SEC11A: variants seen among roughly 807,000 people sequenced by gnomAD.
SEC11A encodes the protein SEC11 homolog A, signal peptidase complex subunit, also known as signal peptidase complex catalytic subunit SEC11A.
Under a neutral mutation model 25.6 loss-of-function variants are expected in SEC11A, and 14 were observed. That is an observed-to-expected ratio of 0.55 (90% CI 0.36 to 0.85). SEC11A has a LOEUF of 0.85. SEC11A is among the 40% of genes least tolerant of loss of function. The pLI is 0.01. For missense variants in SEC11A, 153 were observed against 222.9 expected (o/e 0.69, Z 2.00); for synonymous variants, 83 against 76.4 (o/e 1.09, Z -0.45).
intron 1 of SEC11A, among the ~76,000 whole-genome samples, chr15:84,712,941 T>A (rs549638459): frequency 3.7e-4 from 57 of 152,172 alleles, no homozygotes; most frequent in African/African-American, 1.3e-3. Context: ...GAGCAGTGGC[T>A]CACGCCTGTA....
rs923772313 is a variant in SEC11A, at chr15:84,701,511, C to T, written c.52-9867G>A. Among the ~76,000 whole-genome samples the T allele has an allele frequency of 2.7e-5, 4 of 150,458 alleles. No homozygotes were observed. The South Asian group carries it at 6.3e-4, about 24-fold the overall frequency. ...TACTTATTGAGATCATGCCACTGCACTCCAGCCTGGGCAACAAAGCAAGAC... is the reference window on the plus strand; with the variant it reads ...TACTTATTGAGATCATGCCACTGCATTCCAGCCTGGGCAACAAAGCAAGAC... On this transcript the variant is annotated intron_variant, in intron 1 of 5. Coordinates refer to ENST00000268220, the MANE Select transcript of SEC11A (RefSeq NM_014300.4).
intron 1 of SEC11A, among the ~76,000 whole-genome samples, chr15:84,701,945 T>C (rs1897957276): frequency 6.6e-6 from 1 of 151,384 alleles, no homozygotes; most frequent in Non-Finnish European, 1.5e-5. Flanking sequence ...CGTGCGGCTG[T>C]AGTCCCAGCT....
chr15:84,715,950 G>A (rs532582900), intron 1 of SEC11A, 75 bp downstream of exon 1: 2 of 1,411,094 alleles, frequency 1.4e-6, no homozygotes, highest in African/African-American at 2.8e-5. Context: ...AGAACCCTGG[G>A]GTCCGCCGGG....
At chr15:84,701,851 C>CCTG (rs1225799999) in intron 1 of SEC11A, among the ~76,000 whole-genome samples, 2 of 151,680 alleles carry the variant, frequency 1.3e-5, no homozygotes, top group African/African-American at 4.8e-5. Context: ...GGGCGGATCA[C>CCTG]AGGTCAAGAG....
chr15:84,711,861 A>T (rs1187953797), intron 1 of SEC11A, among the ~76,000 whole-genome samples: 1 of 152,144 alleles, frequency 6.6e-6, no homozygotes. Context: ...CTATTAGCTA[A>T]AAGGACCTTA....
Position 84,669,938 on chromosome 15 carries a change from A to G in SEC11A, c.*81T>C. 1 of 1,604,854 alleles carries G rather than the reference A, an allele frequency of 6.2e-7. No homozygotes were observed. Among genetic ancestry groups the G allele is most frequent in the Non-Finnish European group, 8.5e-7 (1 of 1,175,802 alleles). ...CACCAACACGTGTGTTCTCCATTCC[A>G]CCAATCACAGACCAGTATCTACTCC... On this transcript the variant is annotated 3_prime_UTR_variant, in exon 6 of 6. Transcript: ENST00000268220.
chr15:84,715,994 G>C, intron 1 of SEC11A, 31 bp downstream of exon 1: 1 of 1,609,612 alleles, frequency 6.2e-7, no homozygotes, highest in Non-Finnish European at 8.5e-7. Flanking sequence ...GACAAGAAGA[G>C]CCAGGAGAAA....
chr15:84,701,880 A>G (rs1209462676), intron 1 of SEC11A, among the ~76,000 whole-genome samples: 1 of 151,762 alleles, frequency 6.6e-6, no homozygotes, highest in African/African-American at 2.4e-5. Flanking sequence ...CATCCTGGCC[A>G]ACATGGTGAA....
At chr15:84,687,593 T>G (rs1897465912) in intron 3 of SEC11A, 32 bp downstream of exon 3, 1 of 1,510,536 alleles carries the variant, frequency 6.6e-7, no homozygotes, top group African/African-American at 1.4e-5. Flanking sequence ...ACAAAAGCAC[T>G]TAGAAACAAA....
chr15:84,693,857 T>G (rs1897680741), intron 1 of SEC11A, among the ~76,000 whole-genome samples: 1 of 152,158 alleles, frequency 6.6e-6, no homozygotes. Flanking sequence ...AGCTAGTAGT[T>G]GTAGTTAGGG....
rs535540872 is a variant in SEC11A, at chr15:84,691,742, T to TA, written c.52-99dup. On this transcript the variant is annotated intron_variant, in intron 1 of 5. Coordinates refer to ENST00000268220, the MANE Select transcript of SEC11A (RefSeq NM_014300.4). ...ATTTGAAAGTTTCAAGCAGTACTATTAGGACAACTACAGTTCTGAGACATT... is the reference window on the plus strand; with the variant it reads ...ATTTGAAAGTTTCAAGCAGTACTATTAAGGACAACTACAGTTCTGAGACATT... The TA allele has an allele frequency of 2.0e-4, 134 of 666,152 alleles. 1 individual carries two copies. In the South Asian group the frequency reaches 2.2e-3, roughly 11 times the overall value. The allele number at this position is 666,152 out of a possible 1,614,324, so 41.3% of individuals were successfully genotyped here.
At chr15:84,679,005 AG>A (rs1361483622) in intron 4 of SEC11A, among the ~76,000 whole-genome samples, 3 of 151,232 alleles carry the variant, frequency 2.0e-5, no homozygotes, top group African/African-American at 7.3e-5. Context: ...AAAAAAAAAA[AG>A]GCAAAAAAAA....
intron 5 of SEC11A, 27 bp from the exon 6 acceptor site, chr15:84,670,096 T>C (rs1953760590): frequency 2.5e-6 from 4 of 1,608,288 alleles, no homozygotes; most frequent in African/African-American, 1.3e-5. Flanking sequence ...GAACCACAAG[T>C]CAGAGAAGCG....
In SEC11A at chr15:84,682,442, TTTTTGTTTTG is replaced by T. The variant is rs57427423; in HGVS notation, c.312-1620_312-1611del. ...GGGTTTACAGGAACAGTATTTTGTTTTTTTGTTTTGTTTTGTTTTGTTTTGAGACAGAGTC... is the reference window on the plus strand; with the variant it reads ...GGGTTTACAGGAACAGTATTTTGTTTTTTTGTTTTGTTTTGAGACAGAGTC... On this transcript the variant is annotated intron_variant, in intron 3 of 5. Transcript: ENST00000268220. 3.9e-5 allele frequency among the ~76,000 whole-genome samples: 6 copies of T among 152,184 alleles called. No individual in the cohort carries two copies. The South Asian group carries it at 8.3e-4, about 21-fold the overall frequency.
chr15:84,712,449 C>CTTTTTTTTT (rs150374364), intron 1 of SEC11A, among the ~76,000 whole-genome samples: 3 of 130,248 alleles, frequency 2.3e-5, no homozygotes, highest in Non-Finnish European at 3.2e-5. Flanking sequence ...TCTTTTTTTT[C>CTTTTTTTTT]TTTTTTTTTT....
At chr15:84,674,814 CCTCT>C (rs1298922266) in intron 4 of SEC11A, among the ~76,000 whole-genome samples, 1 of 152,166 alleles carries the variant, frequency 6.6e-6, no homozygotes, top group Non-Finnish European at 1.5e-5. Flanking sequence ...CCCATCTTGG[CCTCT>C]TAAAGTGCTG....
intron 1 of SEC11A, among the ~76,000 whole-genome samples, chr15:84,702,749 T>A (rs1897986543): frequency 6.6e-6 from 1 of 152,196 alleles, no homozygotes; most frequent in African/African-American, 2.4e-5. Flanking sequence ...TTTGAATTTA[T>A]GGATTTAAAA....
intron 4 of SEC11A, among the ~76,000 whole-genome samples, chr15:84,680,314 A>G (rs1378986968): frequency 2.6e-5 from 4 of 151,992 alleles, no homozygotes; most frequent in African/African-American, 9.7e-5. Flanking sequence ...AAAAAGAAAA[A>G]AAAAAAAAGA....
At chr15:84,697,828 G>C (rs1897812276) in intron 1 of SEC11A, among the ~76,000 whole-genome samples, 1 of 152,086 alleles carries the variant, frequency 6.6e-6, no homozygotes, top group Non-Finnish European at 1.5e-5. Flanking sequence ...TATTAATAAA[G>C]ACATTGCAAC....
Sources: allele counts gnomAD v4.1 joint callset (sites outside exome capture counted in the v4.1 genomes callset), GRCh38; gene constraint gnomAD v4.1.1; transcripts MANE v1.5; gene names NCBI Gene and HGNC (gene_info 2026-07-23, HGNC 2026-07-21).